Variants in SCMH1 observed in about 807,000 individuals in gnomAD.
SCMH1 encodes polycomb protein SCMH1.
SCMH1 carries 37 observed loss-of-function variants against 70.8 expected under a neutral mutation model. That is an observed-to-expected ratio of 0.52 (90% CI 0.40 to 0.69). The LOEUF (loss-of-function observed/expected upper bound fraction) is 0.69. Ranked by LOEUF, SCMH1 falls within the 30% of genes least tolerant of loss-of-function variation. SCMH1 has a pLI of 0.00. For missense variants in SCMH1, 607 were observed against 827.3 expected (o/e 0.73, Z 3.27); for synonymous variants, 292 against 307.4 (o/e 0.95, Z 0.52).
rs1213788736 is a variant in SCMH1 at position 41,222,164 on chromosome 1, A to G, written c.-118+19895T>C. On this transcript the variant is annotated intron_variant, in intron 1 of 14. Transcript: ENST00000337495. ...AAGCAGAAAGTGAGGGAAGGGAAGG[A>G]AGGGAAAGAAGAAAAGGAAACAAGG... Among the ~76,000 whole-genome samples the G allele has an allele frequency of 5.9e-5, 9 of 152,036 alleles. No individual in the cohort carries two copies. The East Asian group carries it at 1.4e-3, about 23-fold the overall frequency.
intron 1 of SCMH1, among the ~76,000 whole-genome samples, chr1:41,236,710 C>T (rs1184349915): frequency 4.6e-5 from 7 of 152,288 alleles, no homozygotes; most frequent in African/African-American, 1.7e-4. Context: ...CACACATCCT[C>T]CTATGTATTT....
chr1:41,193,554 G>C lies in SCMH1; in HGVS notation c.-117-7304C>G, dbSNP rs1652264870. On this transcript the variant is annotated intron_variant, in intron 1 of 14. Coordinates refer to ENST00000337495, the Ensembl canonical transcript of SCMH1. ...GGGGGTTGAGGAAAGCTTCATGGAG[G>C]AGATGAAGTTGAGCTAGGATTATCC... 2.0e-5 allele frequency among the ~76,000 whole-genome samples: 3 copies of C among 152,138 alleles called. No individual in the cohort carries two copies. In the South Asian group the frequency reaches 6.2e-4, roughly 32 times the overall value.
chr1:41,048,615 G>T, intron 11 of SCMH1, 75 bp downstream of exon 11: 1 of 1,306,202 alleles, frequency 7.7e-7, no homozygotes, highest in Non-Finnish European at 1.1e-6. Flanking sequence ...GAACCAGGAT[G>T]CCTTACAAGA....
At chr1:41,095,633 T>G (rs1027342624) in intron 8 of SCMH1, among the ~76,000 whole-genome samples, 18 of 152,194 alleles carry the variant, frequency 1.2e-4, no homozygotes, top group African/African-American at 4.1e-4. Flanking sequence ...TGCTATATTC[T>G]GGTCGATTTT....
intron 8 of SCMH1, among the ~76,000 whole-genome samples, chr1:41,091,320 C>T (rs530018099): frequency 9.7e-4 from 147 of 152,132 alleles, no homozygotes; most frequent in Admixed American, 1.5e-3. Context: ...AAAAGGCCTT[C>T]GACAAAATTT....
rs543282078 is a variant in SCMH1 at position 41,168,632 on chromosome 1, C to CTT, written c.14-7202_14-7201dup. Among the ~76,000 whole-genome samples the CTT allele has an allele frequency of 2.0e-3, 206 of 104,682 alleles. 3 individuals are homozygous for CTT. The highest frequency in any genetic ancestry group is 5.9e-3 in the African/African-American group (155 of 26,358). The allele number at this position is 104,682 out of a possible 152,430, so 68.7% of individuals were successfully genotyped here. A position where few individuals can be genotyped will look rare whatever the true frequency, so the allele number is the denominator to read the frequency against. On this transcript the variant is annotated intron_variant, in intron 2 of 14. Coordinates refer to ENST00000337495, the Ensembl canonical transcript of SCMH1. ...CTCTATTTCACTTGTGGAGATTTGT[C>CTT]TTTTTTTTTTTTTTTTTTTGGGAAT...
rs138836477 is a variant in SCMH1, at chr1:41,218,283, C to T, written c.-118+23776G>A. Among the ~76,000 whole-genome samples, 495 of 152,164 alleles carry T rather than the reference C, an allele frequency of 3.3e-3. 3 individuals are homozygous for T. The highest frequency in any genetic ancestry group is 4.3e-3 in the Non-Finnish European group (294 of 68,010). ...TCCCTAAAATTGTGTACCCCTGGTA[C>T]CTGTGAATTGCCCTTACTTGGAAAT... On this transcript the variant is annotated intron_variant, in intron 1 of 14. Coordinates refer to ENST00000337495, the Ensembl canonical transcript of SCMH1.
In SCMH1 at chr1:41,142,867, TACTTACTC is replaced by T; in HGVS notation, c.412+3_412+10del. On this transcript the variant is annotated splice_donor_5th_base_variant and intron_variant, in intron 6 of 14. Transcript: ENST00000337495. ...TAATTGGCTAGAAAGAGTTTGGGTT[TACTTACTC>T]ACCAAGAGGTGGCTGTAGCATACCC... is the stretch of plus-strand genomic sequence containing the variant. The T allele has an allele frequency of 6.2e-7, 1 of 1,606,982 alleles. No homozygotes were observed. The highest frequency in any genetic ancestry group is 8.5e-7 in the Non-Finnish European group (1 of 1,173,498).
At chr1:41,228,336 T>G (rs1168502355) in intron 1 of SCMH1, among the ~76,000 whole-genome samples, 2 of 152,176 alleles carry the variant, frequency 1.3e-5, no homozygotes, top group Admixed American at 6.5e-5. Flanking sequence ...TGGAGATGGA[T>G]GGTGATGAGG....
At chr1:41,175,011 T>G (rs1306927898) in intron 2 of SCMH1, among the ~76,000 whole-genome samples, 1 of 152,208 alleles carries the variant, frequency 6.6e-6, no homozygotes, top group Non-Finnish European at 1.5e-5. Flanking sequence ...AGGAAATACA[T>G]ACGGATGCCG....
At chr1:41,125,072 C>T (rs1557553276) in intron 6 of SCMH1, among the ~76,000 whole-genome samples, 1 of 152,140 alleles carries the variant, frequency 6.6e-6, no homozygotes, top group Non-Finnish European at 1.5e-5. Flanking sequence ...TTGTAATTTA[C>T]AGGCAATCAG....
At chr1:41,046,117 C>T (rs1483308961) in intron 12 of SCMH1, among the ~76,000 whole-genome samples, 1 of 152,142 alleles carries the variant, frequency 6.6e-6, no homozygotes, top group Non-Finnish European at 1.5e-5. Context: ...TTGGTGGCTC[C>T]ACATGCAGTC....
intron 10 of SCMH1, among the ~76,000 whole-genome samples, chr1:41,061,010 C>T (rs747204457): frequency 6.6e-6 from 1 of 152,134 alleles, no homozygotes; most frequent in Admixed American, 6.6e-5. Context: ...CTTAATTCAT[C>T]TGAAACCACC....
intron 10 of SCMH1, among the ~76,000 whole-genome samples, chr1:41,052,217 G>A (rs867633637): frequency 6.6e-6 from 1 of 152,152 alleles, no homozygotes. Context: ...AGACCAATAC[G>A]GGGGTCTACA....
intron 6 of SCMH1, among the ~76,000 whole-genome samples, chr1:41,134,601 T>G (rs969318267): frequency 6.6e-6 from 1 of 152,200 alleles, no homozygotes; most frequent in African/African-American, 2.4e-5. Context: ...TCAATATGTA[T>G]TTTCATTCTC....
chr1:41,186,275 AAGG>A, intron 1 of SCMH1, 25 bp from the exon 2 acceptor site: 1 of 611,032 alleles, frequency 1.6e-6, no homozygotes, highest in East Asian at 2.9e-5. Context: ...GGTGGGGAGG[AAGG>A]AGAAGAACAT....
chr1:41,196,103 T>G (rs1047653668), intron 1 of SCMH1, among the ~76,000 whole-genome samples: 5 of 152,128 alleles, frequency 3.3e-5, no homozygotes, highest in African/African-American at 1.2e-4. Context: ...TCTGTGTTCA[T>G]GGACTGAAAG....
intron 12 of SCMH1, among the ~76,000 whole-genome samples, chr1:41,039,785 A>G (rs149420694): frequency 2.6e-5 from 4 of 152,158 alleles, no homozygotes; most frequent in East Asian, 3.9e-4. Flanking sequence ...GAAGACTGCA[A>G]TACTTTCAAA....
intron 8 of SCMH1, among the ~76,000 whole-genome samples, chr1:41,084,494 T>G (rs1660997070): frequency 3.3e-5 from 5 of 152,120 alleles, no homozygotes; most frequent in Admixed American, 2.6e-4. Flanking sequence ...CTGGGGAGGA[T>G]GTGGAGAAAT....
Sources: gnomAD v4.1 joint callset for allele counts (sites outside exome capture counted in the v4.1 genomes callset) on GRCh38, gnomAD v4.1.1 for gene constraint, MANE v1.5 for transcripts, NCBI Gene and HGNC (gene_info 2026-07-23, HGNC 2026-07-21) for gene names.